Variants in NEK11 observed in about 807,000 individuals in gnomAD.
The protein encoded by NEK11 is NIMA related kinase 11.
In NEK11, 72 loss-of-function variants were observed where a neutral mutation model predicts 80.7. The ratio of observed to expected loss-of-function variants is 0.89; its 90% CI spans 0.74 to 1.08. The LOEUF (loss-of-function observed/expected upper bound fraction) is 1.08, where lower values mean the gene tolerates loss of function less well. Ranked by LOEUF, NEK11 falls within the 50% of genes least tolerant of loss-of-function variation. NEK11 has a pLI of 0.00. For missense variants in NEK11, 764 were observed against 763.6 expected (o/e 1.00, Z -0.01); for synonymous variants, 251 against 260.7 (o/e 0.96, Z 0.36).
intron 3 of NEK11, among the ~76,000 whole-genome samples, chr3:131,061,991 T>G (rs956723288): frequency 6.6e-6 from 1 of 152,092 alleles, no homozygotes; most frequent in Non-Finnish European, 1.5e-5. Flanking sequence ...GATAACTGAG[T>G]TGATAACGAA....
intron 3 of NEK11, among the ~76,000 whole-genome samples, chr3:131,043,630 A>G (rs1204012679): frequency 1.3e-5 from 2 of 152,246 alleles, no homozygotes; most frequent in African/African-American, 4.8e-5. Context: ...GACCAAATCT[A>G]CATTTGATTG....
intron 16 of NEK11, among the ~76,000 whole-genome samples, chr3:131,254,220 A>C (rs1464032693): frequency 6.6e-6 from 1 of 152,226 alleles, no homozygotes; most frequent in Non-Finnish European, 1.5e-5. Context: ...CTTATAATCC[A>C]GAATATCCCT....
At chr3:131,213,939 G>T (rs1451809983) in intron 14 of NEK11, among the ~76,000 whole-genome samples, 1 of 152,190 alleles carries the variant, frequency 6.6e-6, no homozygotes, top group Non-Finnish European at 1.5e-5. Flanking sequence ...GATGGGATTA[G>T]TTCCGTTGTA....
rs184828140 is a variant in NEK11, at chr3:131,168,880, A to G, written c.1227A>G (p.Gly409=). 4 of 1,614,062 alleles carry G rather than the reference A, an allele frequency of 2.5e-6. No individual in the cohort carries two copies. The highest frequency in any genetic ancestry group is 2.2e-5 in the South Asian group (2 of 91,054). ...AAGAAAAGGAGGAGCAACCTGAGGG[A>G]AGACTTTCTTGTTCACCCCAGGACG... ...GMEEKEEQPE[G]RLSCSPQDED... Residue 409 remains glycine (G), a synonymous_variant, in exon 13 of 18, where the codon GGA becomes GGG. Transcript: ENST00000383366.
chr3:131,279,022 A>G (rs145694927), intron 17 of NEK11, among the ~76,000 whole-genome samples: 2 of 151,930 alleles, frequency 1.3e-5, no homozygotes, highest in African/African-American at 4.8e-5. Flanking sequence ...ATCAAATATT[A>G]TATAAAATAT....
intron 15 of NEK11, among the ~76,000 whole-genome samples, chr3:131,235,359 A>G (rs543616715): frequency 1.6e-4 from 25 of 152,340 alleles, no homozygotes; most frequent in Non-Finnish European, 2.9e-4. Context: ...CATATGGTGC[A>G]CAGAAACCCT....
intron 17 of NEK11, among the ~76,000 whole-genome samples, chr3:131,289,420 A>AG (rs1246374505): frequency 6.6e-6 from 1 of 152,188 alleles, no homozygotes; most frequent in East Asian, 1.9e-4. Context: ...CTATAACATA[A>AG]GGTGTTTTTA....
intron 7 of NEK11, among the ~76,000 whole-genome samples, chr3:131,148,323 C>T (rs961505052): frequency 6.6e-5 from 10 of 151,780 alleles, no homozygotes; most frequent in South Asian, 4.2e-4. Context: ...AACATTTGCT[C>T]GTAATTTTCC....
intron 3 of NEK11, chr3:131,053,945 C>T (rs1275780708): frequency 1.3e-5 from 2 of 152,220 alleles, no homozygotes; most frequent in Non-Finnish European, 2.9e-5. Context: ...GTGTATTAGA[C>T]TTGGGGTGGC....
chr3:131,338,702 A>C (rs1424555248), intron 17 of NEK11, among the ~76,000 whole-genome samples: 1 of 152,260 alleles, frequency 6.6e-6, no homozygotes, highest in Non-Finnish European at 1.5e-5. Flanking sequence ...GTTTAGATGA[A>C]TCTCAAAGAT....
At chr3:131,053,578 CA>C (rs2068816531) in intron 3 of NEK11, 1 of 152,138 alleles carries the variant, frequency 6.6e-6, no homozygotes, top group Non-Finnish European at 1.5e-5. Flanking sequence ...TCAATTTAAC[CA>C]AACTTAACTC....
At chr3:131,307,510 C>T (rs1473970246) in intron 17 of NEK11, among the ~76,000 whole-genome samples, 8 of 152,150 alleles carry the variant, frequency 5.3e-5, no homozygotes, top group African/African-American at 1.7e-4. Context: ...TTATTTAATC[C>T]CCTTTTACAT....
chr3:131,223,045 A>G (rs376799846), intron 14 of NEK11, among the ~76,000 whole-genome samples: 2 of 152,180 alleles, frequency 1.3e-5, no homozygotes, highest in African/African-American at 4.8e-5. Flanking sequence ...CTTGCCTGGC[A>G]TACAGAAGAT....
chr3:131,077,434 T>C (rs2074545167), intron 3 of NEK11, among the ~76,000 whole-genome samples: 1 of 152,214 alleles, frequency 6.6e-6, no homozygotes, highest in Non-Finnish European at 1.5e-5. Flanking sequence ...CCTGTCTTAA[T>C]AGCCCTACCT....
chr3:131,315,881 T>G (rs1202788811), intron 17 of NEK11, among the ~76,000 whole-genome samples: 2 of 152,196 alleles, frequency 1.3e-5, no homozygotes, highest in Non-Finnish European at 2.9e-5. Context: ...GCAAAGGACA[T>G]GATTTCATTC....
chr3:131,295,775 T>G (rs2096586883), intron 17 of NEK11, among the ~76,000 whole-genome samples: 1 of 152,236 alleles, frequency 6.6e-6, no homozygotes, highest in African/African-American at 2.4e-5. Flanking sequence ...TTATACTTTT[T>G]TTAGTGGTTG....
At chr3:131,076,381 G>A (rs1172335489) in intron 3 of NEK11, among the ~76,000 whole-genome samples, 1 of 152,098 alleles carries the variant, frequency 6.6e-6, no homozygotes, top group Non-Finnish European at 1.5e-5. Flanking sequence ...TGGATTGTGG[G>A]TAATATTTTC....
chr3:131,342,296 C>T (rs1247511513), intron 17 of NEK11, among the ~76,000 whole-genome samples: 18 of 152,250 alleles, frequency 1.2e-4, no homozygotes, highest in South Asian at 2.1e-4. Context: ...ATGAAGATTC[C>T]GGATGCTTGT....
At position 131,349,687 on chromosome 3, in the gene NEK11, G is replaced by A. The variant is rs765563230; in HGVS notation, c.1849G>A (p.Asp617Asn). ...CLEKVVPQAS[D>N]CFEVDQLLYF... ...GGAAAAAGTGGTGCCTCAAGCCAGC[G>A]ACTGTTTTGAAGTGGACCAGCTCCT... Residue 617 changes from aspartate to asparagine, a missense_variant, in exon 18 of 18, where the codon GAC becomes AAC. Coordinates refer to ENST00000383366, the MANE Select transcript of NEK11 (RefSeq NM_024800.5). 2.2e-5 allele frequency: 36 copies of A among 1,613,948 alleles called. No individual in the cohort carries two copies. The highest frequency in any genetic ancestry group is 5.5e-5 in the South Asian group (5 of 91,064).
Sources: gnomAD v4.1 joint callset for allele counts (sites outside exome capture counted in the v4.1 genomes callset) on GRCh38, gnomAD v4.1.1 for gene constraint, MANE v1.5 for transcripts, NCBI Gene and HGNC (gene_info 2026-07-23, HGNC 2026-07-21) for gene names.